RFTN2: variants seen among roughly 807,000 people sequenced by gnomAD.
RFTN2 encodes raftlin family member 2.
RFTN2 carries 34 observed loss-of-function variants against 52.7 expected under a neutral mutation model. The ratio of observed to expected loss-of-function variants is 0.64; its 90% CI spans 0.49 to 0.86. The LOEUF (loss-of-function observed/expected upper bound fraction) is 0.86. Ranked by LOEUF, RFTN2 falls within the 40% of genes least tolerant of loss-of-function variation. RFTN2 has a pLI of 0.00. For synonymous variants in RFTN2, 203 were observed against 217.7 expected (o/e 0.93, Z 0.59); for missense variants, 536 against 600.1 (o/e 0.89, Z 1.12).
intron 8 of RFTN2, among the ~76,000 whole-genome samples, chr2:197,575,767 T>C (rs1332310999): frequency 8.0e-6 from 1 of 125,126 alleles, no homozygotes; most frequent in East Asian, 2.4e-4. Flanking sequence ...TTTATATATA[T>C]AATATATATT....
intron 7 of RFTN2, among the ~76,000 whole-genome samples, chr2:197,603,663 C>G (rs987220743): frequency 1.3e-5 from 2 of 152,252 alleles, no homozygotes; most frequent in Admixed American, 1.3e-4. Flanking sequence ...CGCCTGTAAT[C>G]CCAGCACTTT....
intron 8 of RFTN2, among the ~76,000 whole-genome samples, chr2:197,595,223 A>C (rs981391315): frequency 6.6e-6 from 1 of 152,362 alleles, no homozygotes; most frequent in Non-Finnish European, 1.5e-5. Flanking sequence ...AATATAGCCA[A>C]GGTTGCATGG....
At chr2:197,649,765 C>T (rs760345910) in intron 1 of RFTN2, among the ~76,000 whole-genome samples, 48 of 152,156 alleles carry the variant, frequency 3.2e-4, no homozygotes, top group Non-Finnish European at 3.5e-4. Context: ...CTGTTCTTTG[C>T]AATCTTACTG....
At chr2:197,575,124 A>T (rs2087391030) in intron 8 of RFTN2, among the ~76,000 whole-genome samples, 1 of 152,116 alleles carries the variant, frequency 6.6e-6, no homozygotes, top group Admixed American at 6.5e-5. Context: ...TGTAATAGTG[A>T]ATAAGTCTCA....
rs1047095614 is a variant in RFTN2, at chr2:197,580,169, T to TA, written c.1234-7890dup. Reference sequence around the variant, plus strand: ...TTATTACCCGATCCGCTCCCGACATTAAAAAAAAGCCCCCCAAATTAAATT... The same window carrying TA: ...TTATTACCCGATCCGCTCCCGACATTAAAAAAAAAGCCCCCCAAATTAAATT... On this transcript the variant is annotated intron_variant, in intron 8 of 8. Transcript: ENST00000295049. 1.5e-4 allele frequency among the ~76,000 whole-genome samples: 22 copies of TA among 151,630 alleles called. No homozygotes were observed. In the East Asian group the frequency reaches 3.9e-3, roughly 27 times the overall value.
chr2:197,653,884 T>A (rs1216986588), intron 1 of RFTN2, among the ~76,000 whole-genome samples: 1 of 152,178 alleles, frequency 6.6e-6, no homozygotes, highest in Non-Finnish European at 1.5e-5. Context: ...CTTTCACAAT[T>A]TTGGTCATAT....
intron 1 of RFTN2, among the ~76,000 whole-genome samples, chr2:197,653,505 G>A (rs2088851854): frequency 6.6e-6 from 1 of 151,584 alleles, no homozygotes; most frequent in African/African-American, 2.4e-5. Flanking sequence ...GCAGGGCAGA[G>A]TGAGACTCTG....
At chr2:197,614,206 G>T (rs1276862183) in intron 7 of RFTN2, among the ~76,000 whole-genome samples, 1 of 152,172 alleles carries the variant, frequency 6.6e-6, no homozygotes, top group Non-Finnish European at 1.5e-5. Context: ...CAGAAACCAT[G>T]TACAGCTTCC....
chr2:197,625,507 T>C (rs978071116), intron 5 of RFTN2, among the ~76,000 whole-genome samples: 1 of 152,134 alleles, frequency 6.6e-6, no homozygotes, highest in Non-Finnish European at 1.5e-5. Flanking sequence ...CAGGCACATA[T>C]GGTAACTCTA....
At chr2:197,614,359 G>C (rs752124080) in intron 7 of RFTN2, among the ~76,000 whole-genome samples, 1 of 152,142 alleles carries the variant, frequency 6.6e-6, no homozygotes, top group Admixed American at 6.6e-5. Flanking sequence ...AGAGGAGATC[G>C]GCTGCTGGAC....
chr2:197,630,754 C>T (rs2088455655), intron 5 of RFTN2, among the ~76,000 whole-genome samples: 1 of 152,200 alleles, frequency 6.6e-6, no homozygotes, highest in Non-Finnish European at 1.5e-5. Context: ...GTCAATCACA[C>T]AGTGGTTTCC....
At position 197,617,862 on chromosome 2, in the gene RFTN2, C is replaced by T. The variant is rs202104316; in HGVS notation, c.988G>A (p.Val330Ile). The T allele has an allele frequency of 2.5e-6, 4 of 1,609,144 alleles. No individual in the cohort carries two copies. The African/African-American group carries it at 5.3e-5, about 21-fold the overall frequency. ...TTTCCTTTCCTACTAGAACCTGGAA[C>T]TCCAGAACCTTCTTCTTCATAGATA... ...FFIYEEEGSG[V>I]PGSSRKGNDA... The change falls in exon 6 of 9, where the codon GTT becomes ATT. Residue 330 changes from valine (V) to isoleucine (I), a missense_variant. Coordinates refer to ENST00000295049, the MANE Select transcript of RFTN2 (RefSeq NM_144629.3).
intron 8 of RFTN2, among the ~76,000 whole-genome samples, chr2:197,590,307 A>C (rs914478986): frequency 1.3e-5 from 2 of 152,212 alleles, no homozygotes; most frequent in African/African-American, 4.8e-5. Flanking sequence ...AATAGCTTAG[A>C]GAAAACTGAG....
At chr2:197,674,075 T>C (rs577929027) in intron 1 of RFTN2, among the ~76,000 whole-genome samples, 1 of 152,306 alleles carries the variant, frequency 6.6e-6, no homozygotes, top group South Asian at 2.1e-4. Flanking sequence ...GTTGTTTGGT[T>C]ACTTCTCTGA....
intron 7 of RFTN2, among the ~76,000 whole-genome samples, chr2:197,601,911 A>C (rs1013756679): frequency 2.0e-5 from 3 of 152,232 alleles, no homozygotes; most frequent in Non-Finnish European, 4.4e-5. Context: ...TTAAAGTGTG[A>C]CATAAAAGAT....
intron 3 of RFTN2, among the ~76,000 whole-genome samples, chr2:197,636,196 G>C (rs1574729142): frequency 1.3e-5 from 2 of 151,458 alleles, no homozygotes; most frequent in East Asian, 1.9e-4. Flanking sequence ...TTGTTCTTTT[G>C]GCTTAGGATT....
chr2:197,577,383 C>T (rs754630107), intron 8 of RFTN2, among the ~76,000 whole-genome samples: 1 of 152,224 alleles, frequency 6.6e-6, no homozygotes, highest in Non-Finnish European at 1.5e-5. Context: ...GTGGTTGTCA[C>T]GTTTTCCATT....
intron 1 of RFTN2, among the ~76,000 whole-genome samples, chr2:197,664,034 T>C (rs556225041): frequency 6.6e-6 from 1 of 152,230 alleles, no homozygotes; most frequent in Non-Finnish European, 1.5e-5. Context: ...ATTTCCTTCT[T>C]AATTTCTTCA....
intron 5 of RFTN2, among the ~76,000 whole-genome samples, chr2:197,620,478 G>T (rs201879848): frequency 7.2e-5 from 11 of 152,202 alleles, no homozygotes; most frequent in African/African-American, 2.6e-4. Context: ...AATTCTAAAG[G>T]CCTGCAAACT....
Sources: gnomAD v4.1 joint callset for allele counts (sites outside exome capture counted in the v4.1 genomes callset) on GRCh38, gnomAD v4.1.1 for gene constraint, MANE v1.5 for transcripts, NCBI Gene and HGNC (gene_info 2026-07-23, HGNC 2026-07-21) for gene names.